Variants in NRG3 observed in about 807,000 individuals in gnomAD.
The protein encoded by NRG3 is neuregulin 3.
In NRG3, 31 loss-of-function variants were observed where a neutral mutation model predicts 66.9. That is an observed-to-expected ratio of 0.46 (90% CI 0.35 to 0.63). The LOEUF (loss-of-function observed/expected upper bound fraction) is 0.63. Ranked by LOEUF, NRG3 falls within the 20% of genes least tolerant of loss-of-function variation. The probability of loss-of-function intolerance (pLI) is 0.00; values close to 1 mark genes in which losing one functional copy is unlikely to be tolerated. For synonymous variants in NRG3, 393 were observed against 359.4 expected (o/e 1.09, Z -1.06); for missense variants, 910 against 878.9 (o/e 1.04, Z -0.45).
At chr10:81,911,234 T>A (rs1393944130) in intron 1 of NRG3, among the ~76,000 whole-genome samples, 2 of 152,186 alleles carry the variant, frequency 1.3e-5, no homozygotes, top group African/African-American at 4.8e-5. Flanking sequence ...TGCCAGTTAG[T>A]CAAGTGGAGA....
At chr10:82,199,635 A>T (rs574229314) in intron 1 of NRG3, among the ~76,000 whole-genome samples, 1 of 152,252 alleles carries the variant, frequency 6.6e-6, no homozygotes, top group African/African-American at 2.4e-5. Flanking sequence ...CACTTACATT[A>T]ACTTCTGTAT....
intron 3 of NRG3, among the ~76,000 whole-genome samples, chr10:82,742,555 G>T (rs113194796): frequency 2.6e-5 from 4 of 152,110 alleles, no homozygotes; most frequent in South Asian, 2.1e-4. Flanking sequence ...ACCACAAGTC[G>T]CATTCAGATC....
chr10:82,165,912 C>T (rs923818306), intron 1 of NRG3, among the ~76,000 whole-genome samples: 1 of 151,636 alleles, frequency 6.6e-6, no homozygotes, highest in Admixed American at 6.6e-5. Flanking sequence ...AATCATCTTC[C>T]CATTTGTTTT....
At chr10:82,672,443 A>T in intron 2 of NRG3, among the ~76,000 whole-genome samples, 1 of 152,188 alleles carries the variant, frequency 6.6e-6, no homozygotes, top group Non-Finnish European at 1.5e-5. Context: ...AAACAAACAA[A>T]AGAAATATGT....
intron 1 of NRG3, among the ~76,000 whole-genome samples, chr10:82,186,548 T>C (rs1229235136): frequency 1.3e-5 from 2 of 152,196 alleles, no homozygotes; most frequent in African/African-American, 2.4e-5. Flanking sequence ...TTACTGTATA[T>C]TGCAGCTGGA....
At chr10:82,795,265 TCTGGACACTTGTGATA>T (rs1436183638) in intron 3 of NRG3, among the ~76,000 whole-genome samples, 2 of 152,184 alleles carry the variant, frequency 1.3e-5, no homozygotes, top group Non-Finnish European at 2.9e-5. Context: ...CCTTAATGAG[TCTGGACACTTGTGATA>T]CTGTTACCAC....
chr10:82,463,847 A>G (rs1012440568), intron 2 of NRG3, among the ~76,000 whole-genome samples: 2 of 152,248 alleles, frequency 1.3e-5, no homozygotes, highest in African/African-American at 2.4e-5. Flanking sequence ...GTGCTGTCAT[A>G]TCACTGCATG....
intron 1 of NRG3, among the ~76,000 whole-genome samples, chr10:82,153,766 G>A (rs992233615): frequency 6.6e-6 from 1 of 151,996 alleles, no homozygotes; most frequent in Non-Finnish European, 1.5e-5. Flanking sequence ...CTACAGGTAT[G>A]AGGTAATATC....
At chr10:82,058,376 G>A (rs936987762) in intron 1 of NRG3, among the ~76,000 whole-genome samples, 2 of 151,792 alleles carry the variant, frequency 1.3e-5, no homozygotes, top group South Asian at 4.2e-4. Context: ...TCCATGCTTA[G>A]AAAATTGTCT....
intron 1 of NRG3, among the ~76,000 whole-genome samples, chr10:82,044,304 A>G (rs1334043248): frequency 1.3e-5 from 2 of 152,032 alleles, no homozygotes; most frequent in East Asian, 3.9e-4. Flanking sequence ...TCAGGAGCTC[A>G]TGGGGCAAGG....
chr10:82,919,062 A>AGTGTGTGTGTGT (rs71471761), intron 4 of NRG3, among the ~76,000 whole-genome samples: 11 of 141,830 alleles, frequency 7.8e-5, no homozygotes, highest in African/African-American at 2.9e-4. Context: ...ATAGGGGTGG[A>AGTGTGTGTGTGT]GTGTGTGTGT....
intron 1 of NRG3, among the ~76,000 whole-genome samples, chr10:82,292,229 A>T (rs2079788691): frequency 6.6e-6 from 1 of 152,150 alleles, no homozygotes; most frequent in African/African-American, 2.4e-5. Flanking sequence ...GTTGAACATT[A>T]TTATCATTAG....
At chr10:82,022,508 G>T (rs1442919790) in intron 1 of NRG3, among the ~76,000 whole-genome samples, 1 of 152,122 alleles carries the variant, frequency 6.6e-6, no homozygotes, top group African/African-American at 2.4e-5. Flanking sequence ...GCCAAAGCAA[G>T]AAAGGCTTTG....
intron 1 of NRG3, among the ~76,000 whole-genome samples, chr10:81,907,346 C>T (rs960858430): frequency 1.3e-5 from 2 of 152,148 alleles, no homozygotes; most frequent in Non-Finnish European, 2.9e-5. Flanking sequence ...GCTCAAAGCT[C>T]TGTTTTTACT....
chr10:81,881,153 A>C lies in NRG3; in HGVS notation c.823+4990A>C, dbSNP rs111596886. ...TATAGTTGAATCATGGCTCTGACTG[A>C]AGGCTCCTTTCAGGCTTTTGTGTTT... is the stretch of plus-strand genomic sequence containing the variant. On this transcript the variant is annotated intron_variant, in intron 1 of 8. Coordinates refer to ENST00000372141, the MANE Select transcript of NRG3 (RefSeq NM_001010848.4). Among the ~76,000 whole-genome samples the C allele has an allele frequency of 1.8e-3, 268 of 150,352 alleles. 2 individuals are homozygous for C. The highest frequency in any genetic ancestry group is 6.3e-3 in the African/African-American group (258 of 41,082).
chr10:82,324,833 A>T (rs911178959), intron 1 of NRG3, among the ~76,000 whole-genome samples: 1 of 152,200 alleles, frequency 6.6e-6, no homozygotes, highest in Non-Finnish European at 1.5e-5. Flanking sequence ...CCCGAATATG[A>T]TCTATCCTAG....
At chr10:82,318,599 C>T (rs1310974636) in intron 1 of NRG3, among the ~76,000 whole-genome samples, 1 of 152,198 alleles carries the variant, frequency 6.6e-6, no homozygotes, top group Non-Finnish European at 1.5e-5. Flanking sequence ...TCATGCATGA[C>T]TTGTGGTCCA....
intron 2 of NRG3, among the ~76,000 whole-genome samples, chr10:82,409,977 C>T (rs191556980): frequency 6.6e-6 from 1 of 152,122 alleles, no homozygotes; most frequent in East Asian, 1.9e-4. Context: ...TGAGCAAGCG[C>T]CCCAAGAGAC....
intron 2 of NRG3, among the ~76,000 whole-genome samples, chr10:82,668,727 G>A (rs1016463791): frequency 1.6e-4 from 25 of 152,128 alleles, no homozygotes; most frequent in Admixed American, 3.3e-4. Context: ...ATTCATTCAG[G>A]AAACAAGGAC....
Sources: gnomAD v4.1 joint callset for allele counts (sites outside exome capture counted in the v4.1 genomes callset) on GRCh38, gnomAD v4.1.1 for gene constraint, MANE v1.5 for transcripts, NCBI Gene and HGNC (gene_info 2026-07-23, HGNC 2026-07-21) for gene names.